Variants in CABYR observed in about 807,000 individuals in gnomAD.
CABYR encodes the protein calcium-binding tyrosine phosphorylation-regulated protein.
A neutral mutation model predicts 36.1 loss-of-function variants in CABYR; 31 were observed. The observed-to-expected ratio is 0.86, with a 90% CI of 0.64 to 1.16. The LOEUF is 1.16. Among genes scored for constraint, CABYR ranks in the 50% most tolerant of loss-of-function variants. The pLI, the probability that CABYR is intolerant of heterozygous loss-of-function variation, is 0.00. For missense variants in CABYR, 429 were observed against 455.8 expected, an observed-to-expected ratio of 0.94 and a Z score of 0.53; for synonymous variants, 146 against 160.7, an observed-to-expected ratio of 0.91 and a Z score of 0.69.
chr18:24,157,923 C>T (rs1025539637), intron 4 of CABYR, among the ~76,000 whole-genome samples: 4 of 152,222 alleles, frequency 2.6e-5, no homozygotes, highest in Non-Finnish European at 5.9e-5. Flanking sequence ...TGACTCTTAA[C>T]TGAGCCAGAG....
intron 3 of CABYR, among the ~76,000 whole-genome samples, chr18:24,152,375 G>A (rs2085663845): frequency 1.3e-5 from 2 of 152,144 alleles, no homozygotes; most frequent in Non-Finnish European, 2.9e-5. Context: ...CTGAAGCTTG[G>A]AACAGTTGAC....
chr18:24,158,771 C>T (rs2085865771), intron 4 of CABYR, among the ~76,000 whole-genome samples: 2 of 152,138 alleles, frequency 1.3e-5, no homozygotes, highest in African/African-American at 4.8e-5. Context: ...ACTTGGTTCT[C>T]CCAAGACAGT....
At chr18:24,150,295 C>A (rs899847702) in intron 3 of CABYR, among the ~76,000 whole-genome samples, 3 of 152,216 alleles carry the variant, frequency 2.0e-5, no homozygotes, top group Non-Finnish European at 4.4e-5. Flanking sequence ...CTAGGATAGG[C>A]TGAATGGCTG....
In CABYR at chr18:24,156,782, C is replaced by T. The variant is rs1384766181; in HGVS notation, c.541+740C>T. The T allele has an allele frequency of 3.7e-6, 6 of 1,614,124 alleles. 1 individual carries two copies. In the South Asian group the frequency reaches 5.5e-5, roughly 15 times the overall value. On this transcript the variant is annotated intron_variant, in intron 4 of 5. Coordinates refer to ENST00000399496, the MANE Select transcript of CABYR (RefSeq NM_153769.3). The stretch of plus-strand genomic sequence containing the variant: ...TTGAAGTGGAGATCACTTCAATAGT[C>T]TCTGACAATACTGGGCAGGAGGAGT...
At chr18:24,140,574 CTT>C (rs1279143362) in intron 1 of CABYR, among the ~76,000 whole-genome samples, 5 of 152,064 alleles carry the variant, frequency 3.3e-5, no homozygotes, top group Non-Finnish European at 7.4e-5. Context: ...CAGTTATACT[CTT>C]TCTGTTATTT....
At chr18:24,155,548 C>T (rs2085757272) in intron 3 of CABYR, among the ~76,000 whole-genome samples, 153 bp from the exon 4 acceptor site, 1 of 152,026 alleles carries the variant, frequency 6.6e-6, no homozygotes. Context: ...TCTTGAACTC[C>T]TGGGCTCAAG....
chr18:24,153,729 CTGT>C (rs908382915), intron 3 of CABYR, among the ~76,000 whole-genome samples: 17 of 152,090 alleles, frequency 1.1e-4, no homozygotes, highest in Admixed American at 3.9e-4. Context: ...TGGCTTTTTC[CTGT>C]TGTTATGATG....
chr18:24,143,959 G>A (rs2085394246), intron 3 of CABYR, among the ~76,000 whole-genome samples: 4 of 151,732 alleles, frequency 2.6e-5, no homozygotes, highest in Non-Finnish European at 4.4e-5. Context: ...GTGCAGTGGC[G>A]TGATCTTGGC....
chr18:24,156,693 G>A, intron 4 of CABYR: 1 of 1,614,196 alleles, frequency 6.2e-7, no homozygotes, highest in Non-Finnish European at 8.5e-7. Context: ...TCAGCCTGAG[G>A]TACCTGCACA....
chr18:24,149,972 T>C (rs1438299389), intron 3 of CABYR, among the ~76,000 whole-genome samples: 1 of 152,256 alleles, frequency 6.6e-6, no homozygotes, highest in African/African-American at 2.4e-5. Context: ...GAGCCGGCTC[T>C]GGCCTTGGCC....
At chr18:24,150,757 C>T (rs2085602154) in intron 3 of CABYR, 1 of 162,314 alleles carries the variant, frequency 6.2e-6, no homozygotes. Flanking sequence ...CCTCCCACCT[C>T]CAGTTTTTTT....
At chr18:24,156,107 G>C (rs764418194) in intron 4 of CABYR, 65 bp downstream of exon 4, 1 of 1,614,182 alleles carries the variant, frequency 6.2e-7, no homozygotes, top group Admixed American at 1.7e-5. Context: ...CAACCAGTAT[G>C]CCTGTTGTTA....
chr18:24,139,886 G>A (rs2085260255), intron 1 of CABYR: 1 of 151,826 alleles, frequency 6.6e-6, no homozygotes, highest in African/African-American at 2.4e-5. Flanking sequence ...CTCCTGAAAG[G>A]TTGTTGGCGC....
intron 5 of CABYR, chr18:24,160,702 T>A (rs954600665): frequency 6.5e-6 from 1 of 152,728 alleles, no homozygotes; most frequent in African/African-American, 2.4e-5. Context: ...TACATCTTAG[T>A]TGGGGAGACA....
At chr18:24,157,061 G>C in intron 4 of CABYR, 1 of 1,303,452 alleles carries the variant, frequency 7.7e-7, no homozygotes, top group Non-Finnish European at 1.1e-6. Flanking sequence ...ATTTCAGGTA[G>C]CCATCTCTGT....
At position 24,155,834 on chromosome 18, in the gene CABYR, C is replaced by T. The variant is rs775054400; in HGVS notation, c.333C>T (p.Thr111=). ...CAGACACAGACGAGGACAATGTAACCAGAACAGAATATAGTGACAAAACCA... is the reference window on the plus strand; with the variant it reads ...CAGACACAGACGAGGACAATGTAACTAGAACAGAATATAGTGACAAAACCA... The part of the protein sequence containing the change: ...KSTDTDEDNV[T]RTEYSDKTTQ... The change falls in exon 4 of 6, where the codon ACC becomes ACT. Residue 111 remains threonine (T), a synonymous_variant. Transcript: ENST00000399496. 6 of 1,614,102 alleles carry T rather than the reference C, an allele frequency of 3.7e-6. No individual in the cohort carries two copies.
chr18:24,142,646 T>G (rs79510517), intron 1 of CABYR, among the ~76,000 whole-genome samples: 4,098 of 137,564 alleles, frequency 0.03, 199 homozygotes, highest in African/African-American at 0.13. Context: ...GGTTGTGTGT[T>G]TTTTTTTTTT....
At chr18:24,144,103 G>T (rs551570044) in intron 3 of CABYR, among the ~76,000 whole-genome samples, 8 of 152,194 alleles carry the variant, frequency 5.3e-5, no homozygotes, top group Non-Finnish European at 1.2e-4. Flanking sequence ...TTGCCGTCTT[G>T]GCTAGGCTGG....
chr18:24,158,674 C>G (rs1227871982), intron 4 of CABYR, among the ~76,000 whole-genome samples: 4 of 152,056 alleles, frequency 2.6e-5, no homozygotes, highest in Admixed American at 2.6e-4. Flanking sequence ...GATAGATGGC[C>G]CAGCGTTCAA....
Sources: gnomAD v4.1 joint callset for allele counts (sites outside exome capture counted in the v4.1 genomes callset) on GRCh38, gnomAD v4.1.1 for gene constraint, MANE v1.5 for transcripts, NCBI Gene and HGNC (gene_info 2026-07-23, HGNC 2026-07-21) for gene names.